Variants in CCDC178 observed in about 807,000 individuals in gnomAD.
CCDC178 encodes the protein coiled-coil domain-containing protein 178.
Under a neutral mutation model 117.4 loss-of-function variants are expected in CCDC178, and 126 were observed. The observed-to-expected ratio is 1.07, with a 90% CI of 0.93 to 1.24. The LOEUF (loss-of-function observed/expected upper bound fraction) is 1.24, where lower values mean the gene tolerates loss of function less well. CCDC178 is among the 50% of genes most tolerant of loss of function. The pLI is 0.00. For missense variants in CCDC178, 1,030 were observed against 986.9 expected (o/e 1.04, Z -0.59); for synonymous variants, 283 against 313.4 (o/e 0.90, Z 1.02).
chr18:32,988,984 T>C (rs2055330453), intron 21 of CCDC178, among the ~76,000 whole-genome samples: 1 of 152,142 alleles, frequency 6.6e-6, no homozygotes, highest in Non-Finnish European at 1.5e-5. Context: ...ATTGCCCTCA[T>C]ACAGAAAACA....
intron 21 of CCDC178, among the ~76,000 whole-genome samples, chr18:33,017,645 A>G (rs1233549577): frequency 6.6e-6 from 1 of 152,028 alleles, no homozygotes; most frequent in Non-Finnish European, 1.5e-5. Flanking sequence ...ACGATCTAAC[A>G]AAAGAACAAA....
At chr18:33,076,802 T>C (rs544593314) in intron 21 of CCDC178, among the ~76,000 whole-genome samples, 26 of 152,312 alleles carry the variant, frequency 1.7e-4, no homozygotes, top group South Asian at 1.2e-3. Context: ...TGCTTTACTC[T>C]GTATTCTCTG....
chr18:33,015,422 G>C (rs187785566), intron 21 of CCDC178, among the ~76,000 whole-genome samples: 107 of 152,034 alleles, frequency 7.0e-4, no homozygotes, highest in African/African-American at 2.6e-3. Context: ...ACACTTAGCC[G>C]GGCGTGGTGG....
chr18:33,344,227 C>T (rs1265467908), intron 9 of CCDC178, among the ~76,000 whole-genome samples: 1 of 148,130 alleles, frequency 6.8e-6, no homozygotes, highest in East Asian at 2.0e-4. Context: ...TGGCGTGAAC[C>T]CGGGAAGCGG....
chr18:33,068,244 T>C (rs271510), intron 21 of CCDC178, among the ~76,000 whole-genome samples: 21,622 of 152,070 alleles, frequency 0.14, 2,383 homozygotes, highest in African/African-American at 0.31. Flanking sequence ...AACTTACTTA[T>C]AAAGAAGAAC....
At chr18:33,193,240 G>GCAA (rs1244239614) in intron 20 of CCDC178, among the ~76,000 whole-genome samples, 1 of 141,362 alleles carries the variant, frequency 7.1e-6, no homozygotes, top group Non-Finnish European at 1.5e-5. Context: ...TGCAGCCTGG[G>GCAA]CAACAGAGCG....
chr18:33,019,311 A>C (rs574933208), intron 21 of CCDC178, among the ~76,000 whole-genome samples: 1 of 152,328 alleles, frequency 6.6e-6, no homozygotes, highest in East Asian at 1.9e-4. Flanking sequence ...TGAATTGATA[A>C]AAAGAACCAT....
chr18:33,406,917 T>C (rs1372883195), intron 3 of CCDC178, among the ~76,000 whole-genome samples: 1 of 152,130 alleles, frequency 6.6e-6, no homozygotes, highest in African/African-American at 2.4e-5. Context: ...GCAGGATGTT[T>C]TTGGCTGTTT....
intron 20 of CCDC178, among the ~76,000 whole-genome samples, chr18:33,128,324 A>T (rs1283342721): frequency 3.9e-5 from 6 of 152,224 alleles, no homozygotes; most frequent in African/African-American, 1.2e-4. Context: ...TTATTAAACA[A>T]CTGTGAACTA....
rs537145995 is a variant in CCDC178, at chr18:32,958,944, C to A, written c.2523+15603G>T. Among the ~76,000 whole-genome samples the A allele has an allele frequency of 5.3e-5, 8 of 152,270 alleles. No individual in the cohort carries two copies. In the South Asian group the frequency reaches 1.7e-3, roughly 32 times the overall value. ...TGTTAGTCCACAGATTCATCACTTT[C>A]TGGTTATGAGTCTCTGGACCCGTAA... On this transcript the variant is annotated intron_variant, in intron 22 of 22. Transcript: ENST00000383096.
chr18:33,226,054 G>A (rs1477575718), intron 16 of CCDC178, among the ~76,000 whole-genome samples: 3 of 152,056 alleles, frequency 2.0e-5, no homozygotes, highest in African/African-American at 4.8e-5. Flanking sequence ...CCAGCTACTC[G>A]GGAGGCTGAG....
intron 14 of CCDC178, among the ~76,000 whole-genome samples, chr18:33,255,679 A>C (rs1188546880): frequency 6.6e-6 from 1 of 151,954 alleles, no homozygotes; most frequent in African/African-American, 2.4e-5. Flanking sequence ...AGAGCTAGAG[A>C]ATGTCAAGTG....
At chr18:33,007,082 G>C (rs539107427) in intron 21 of CCDC178, among the ~76,000 whole-genome samples, 1 of 152,148 alleles carries the variant, frequency 6.6e-6, no homozygotes, top group East Asian at 1.9e-4. Flanking sequence ...TTGTTACACA[G>C]CAATAGAAAA....
At chr18:33,129,648 A>G (rs1406186421) in intron 20 of CCDC178, among the ~76,000 whole-genome samples, 1 of 150,516 alleles carries the variant, frequency 6.6e-6, no homozygotes, top group African/African-American at 2.4e-5. Flanking sequence ...TGTTCCAGCA[A>G]AAAAAAAATA....
In CCDC178 at chr18:33,167,479, A is replaced by G. The variant is rs537939463; in HGVS notation, c.2238+44417T>C. On this transcript the variant is annotated intron_variant, in intron 20 of 22. Transcript: ENST00000383096. ...TCTGACCAGTATGAGACAGTATTTC[A>G]TTGTGGTTTTGATTTACATTTCTCT... Among the ~76,000 whole-genome samples the G allele has an allele frequency of 1.5e-4, 23 of 152,210 alleles. No homozygotes were observed. The South Asian group carries it at 3.9e-3, about 26-fold the overall frequency.
chr18:33,273,847 C>A lies in CCDC178; in HGVS notation c.1177-6550G>T, dbSNP rs1479322493. On this transcript the variant is annotated intron_variant, in intron 12 of 22. Coordinates refer to ENST00000383096, the MANE Select transcript of CCDC178 (RefSeq NM_001105528.4). The stretch of plus-strand genomic sequence containing the variant: ...GATATGATACTTAAAGCATAGGCAA[C>A]CAAAGATAAAATAGATAAATAAGAC... 2.0e-5 allele frequency among the ~76,000 whole-genome samples: 3 copies of A among 151,572 alleles called. No homozygotes were observed. The East Asian group carries it at 5.8e-4, about 29-fold the overall frequency.
rs955130534 is a variant in CCDC178, at chr18:33,303,328, G to A, written c.1023-10016C>T. Among the ~76,000 whole-genome samples the A allele has an allele frequency of 2.0e-5, 3 of 152,202 alleles. No homozygotes were observed. The East Asian group carries it at 5.8e-4, about 29-fold the overall frequency. ...ATAAAAAGGTCAGGGATTACCAGGA[G>A]TTAGGTGGGAGGAAGCAAGGAATAA... On this transcript the variant is annotated intron_variant, in intron 11 of 22. Coordinates refer to ENST00000383096, the MANE Select transcript of CCDC178 (RefSeq NM_001105528.4).
intron 2 of CCDC178, among the ~76,000 whole-genome samples, chr18:33,416,040 G>C (rs796674346): frequency 2.0e-5 from 3 of 152,314 alleles, no homozygotes; most frequent in African/African-American, 7.2e-5. Context: ...ACAAAAGCCT[G>C]CTTTCTTTAG....
chr18:33,032,371 A>G (rs1218923697), intron 21 of CCDC178, among the ~76,000 whole-genome samples: 2 of 152,116 alleles, frequency 1.3e-5, no homozygotes, highest in African/African-American at 4.8e-5. Flanking sequence ...TACACGATAT[A>G]ATTTAATCAA....
Sources: gnomAD v4.1 joint callset for allele counts (sites outside exome capture counted in the v4.1 genomes callset) on GRCh38, gnomAD v4.1.1 for gene constraint, MANE v1.5 for transcripts, NCBI Gene and HGNC (gene_info 2026-07-23, HGNC 2026-07-21) for gene names.